Variants in WDFY3 observed in about 807,000 individuals in gnomAD.
WDFY3 encodes WD repeat and FYVE domain containing 3.
A neutral mutation model predicts 409.6 loss-of-function variants in WDFY3; 66 were observed. That is an observed-to-expected ratio of 0.16 (90% CI 0.13 to 0.20). The LOEUF is 0.20. Among genes scored for constraint, WDFY3 ranks in the 10% least tolerant of loss-of-function variants. The pLI is 1.00. For synonymous variants in WDFY3, 1,521 were observed against 1,537.1 expected, an observed-to-expected ratio of 0.99 and a Z score of 0.25; for missense variants, 3,031 against 4,298.1, an observed-to-expected ratio of 0.71 and a Z score of 8.24.
rs541330846 is a variant in WDFY3 at position 84,941,219 on chromosome 4, A to G, written c.-225-8856T>C. Among the ~76,000 whole-genome samples, 4 of 152,154 alleles carry G rather than the reference A, an allele frequency of 2.6e-5. No homozygotes were observed. The South Asian group carries it at 8.3e-4, about 32-fold the overall frequency. On this transcript the variant is annotated intron_variant, in intron 1 of 67. Coordinates refer to ENST00000295888, the MANE Select transcript of WDFY3 (RefSeq NM_014991.6). ...CAGCATGATTATATATATAGATAGAAAACCCCAAAGAGTCTACCAAAGAAA... is the reference window on the plus strand; with the variant it reads ...CAGCATGATTATATATATAGATAGAGAACCCCAAAGAGTCTACCAAAGAAA...
At position 84,724,511 on chromosome 4, in the gene WDFY3, G is replaced by A. The variant is rs765434643; in HGVS notation, c.7356C>T (p.Val2452=). Reference sequence around the variant, plus strand: ...CTGAACTCTCCACAATGGCGTCTTGGACAATGGCGGGATTGCCAGAGGCCA... The same window carrying A: ...CTGAACTCTCCACAATGGCGTCTTGAACAATGGCGGGATTGCCAGAGGCCA... ...MRLASGNPAI[V]QDAIVESSEG... The change falls in exon 46 of 68, where the codon GTC becomes GTT. Residue 2452 remains valine (V), a synonymous_variant. Coordinates refer to ENST00000295888, the MANE Select transcript of WDFY3 (RefSeq NM_014991.6). 6 of 1,614,128 alleles carry A rather than the reference G, an allele frequency of 3.7e-6. No homozygotes were observed. The Admixed American group carries it at 1.0e-4, about 27-fold the overall frequency.
chr4:84,956,308 T>C (rs748439016), intron 1 of WDFY3, among the ~76,000 whole-genome samples: 1 of 152,116 alleles, frequency 6.6e-6, no homozygotes, highest in Non-Finnish European at 1.5e-5. Context: ...TGAAGAAAGC[T>C]GAAAGAATCC....
chr4:84,914,692 G>C (rs553282477), intron 2 of WDFY3, among the ~76,000 whole-genome samples: 5 of 152,288 alleles, frequency 3.3e-5, no homozygotes, highest in African/African-American at 1.2e-4. Context: ...AAAATAACAA[G>C]TGCTAGTAAG....
intron 3 of WDFY3, among the ~76,000 whole-genome samples, chr4:84,870,756 A>C (rs1762032872): frequency 6.6e-6 from 1 of 152,116 alleles, no homozygotes; most frequent in Admixed American, 6.5e-5. Flanking sequence ...AGAATAAAGG[A>C]AGCAAAGCCC....
chr4:84,861,196 G>A (rs1760581760), intron 3 of WDFY3, among the ~76,000 whole-genome samples: 1 of 152,048 alleles, frequency 6.6e-6, no homozygotes, highest in Non-Finnish European at 1.5e-5. Flanking sequence ...GGGTGACAGA[G>A]ACTCTGTCTT....
At chr4:84,806,588 A>G (rs748738429) in intron 15 of WDFY3, among the ~76,000 whole-genome samples, 5 of 149,708 alleles carry the variant, frequency 3.3e-5, no homozygotes, top group Non-Finnish European at 7.4e-5. Context: ...TTGTCAAATT[A>G]CCATTTCAAT....
chr4:84,830,146 A>C (rs1157466171), intron 8 of WDFY3, among the ~76,000 whole-genome samples: 2 of 152,170 alleles, frequency 1.3e-5, no homozygotes, highest in African/African-American at 4.8e-5. Flanking sequence ...TCACTTAATA[A>C]ATGTAAGTGA....
chr4:84,885,542 G>T (rs532104493), intron 3 of WDFY3, among the ~76,000 whole-genome samples: 66 of 152,010 alleles, frequency 4.3e-4, no homozygotes, highest in African/African-American at 1.5e-3. Flanking sequence ...ATCCAAAACT[G>T]ACAAGAATTA....
chr4:84,803,306 G>C lies in WDFY3; in HGVS notation c.2591C>G (p.Ser864Ter). 6.2e-7 allele frequency: 1 copy of C among 1,609,018 alleles called. No individual in the cohort carries two copies. The highest frequency in any genetic ancestry group is 8.5e-7 in the Non-Finnish European group (1 of 1,178,540). The change falls in exon 16 of 68, where the codon TCA becomes TGA. Residue 864 changes from serine (S) to a stop codon, truncating the protein, a stop_gained. Coordinates refer to ENST00000295888, the MANE Select transcript of WDFY3 (RefSeq NM_014991.6). LOFTEE classifies it high-confidence loss of function. ...CAAGCTTACTTCTGGCTGTGTCACT[G>C]ACCCAACAGAGGCCAGTAGGTCCAG... ...AMLDLLASVG[S>*]VTQPEHALDL...
chr4:84,959,087 T>C (rs944387259), intron 1 of WDFY3, among the ~76,000 whole-genome samples: 4 of 152,152 alleles, frequency 2.6e-5, no homozygotes, highest in Admixed American at 6.5e-5. Context: ...CCACTAGAAT[T>C]TAAGCTCCCT....
At chr4:84,828,102 G>T (rs1379136818) in intron 9 of WDFY3, among the ~76,000 whole-genome samples, 1 of 151,816 alleles carries the variant, frequency 6.6e-6, no homozygotes, top group Non-Finnish European at 1.5e-5. Flanking sequence ...AGGGAGGAAG[G>T]GAGGAAGGAA....
intron 1 of WDFY3, among the ~76,000 whole-genome samples, chr4:84,957,470 T>A (rs561761804): frequency 6.6e-6 from 1 of 152,286 alleles, no homozygotes; most frequent in Admixed American, 6.5e-5. Context: ...AAGTCTTACA[T>A]CTTCTGCAGA....
At chr4:84,893,108 T>A (rs1465945542) in intron 3 of WDFY3, among the ~76,000 whole-genome samples, 1 of 152,196 alleles carries the variant, frequency 6.6e-6, no homozygotes, top group Admixed American at 6.5e-5. Flanking sequence ...CTCTCAAATG[T>A]CTGCATTGTG....
chr4:84,720,326 A>G (rs1734645191), intron 47 of WDFY3, among the ~76,000 whole-genome samples: 1 of 152,232 alleles, frequency 6.6e-6, no homozygotes, highest in African/African-American at 2.4e-5. Context: ...CTATGTTTGA[A>G]TATTACAAAC....
At chr4:84,790,543 G>C (rs1050686008) in intron 21 of WDFY3, among the ~76,000 whole-genome samples, 6 of 151,886 alleles carry the variant, frequency 4.0e-5, no homozygotes, top group African/African-American at 1.5e-4. Context: ...TAAAAATAAA[G>C]AGACAATAAC....
intron 44 of WDFY3, among the ~76,000 whole-genome samples, chr4:84,729,532 A>T (rs903489069): frequency 1.3e-4 from 20 of 151,864 alleles, no homozygotes; most frequent in Admixed American, 7.9e-4. Flanking sequence ...TAGTTGATAA[A>T]CTATTAACGC....
rs1260778850 is a variant in WDFY3, at chr4:84,796,742, G to C, written c.2946C>G (p.Ile982Met). 35 of 1,611,378 alleles carry C rather than the reference G, an allele frequency of 2.2e-5. No homozygotes were observed. Among genetic ancestry groups the C allele is most frequent in the Non-Finnish European group, 3.0e-5 (35 of 1,178,426 alleles). Residue 982 changes from isoleucine (I) to methionine (M), a missense_variant, in exon 19 of 68, where the codon ATC (isoleucine) becomes ATG (methionine). Physicochemically the swap from Ile to Met is conservative, Grantham distance 10. Coordinates refer to ENST00000295888, the MANE Select transcript of WDFY3 (RefSeq NM_014991.6). ...CAGTACCCAGACCTTCCAGAGATGT[G>C]ATCATACTACCTGTAAGTCAAGGAA... ...SYEPEMRSSM[I>M]TSLEGLGTDN...
chr4:84,733,526 G>T lies in WDFY3; in HGVS notation c.7077C>A (p.Gly2359=), dbSNP rs768919875. Residue 2359 remains glycine (G), a synonymous_variant, in exon 44 of 68, where the codon GGC becomes GGA. Transcript: ENST00000295888. Reference sequence around the variant, plus strand: ...TGTCGAGGTGGGAGCCGATGGGAGGGCCCCACAGCCCCCGCTCCCTCAACA... The same window carrying T: ...TGTCGAGGTGGGAGCCGATGGGAGGTCCCCACAGCCCCCGCTCCCTCAACA... ...CELLRERGLW[G]PPIGSHLDKW... 1 of 1,613,924 alleles carries T rather than the reference G, an allele frequency of 6.2e-7. No homozygotes were observed. Among genetic ancestry groups the T allele is most frequent in the Non-Finnish European group, 8.5e-7 (1 of 1,179,964 alleles).
rs1161122528 is a variant in WDFY3 at position 84,826,898 on chromosome 4, A to C, written c.1040T>G (p.Val347Gly). 2 of 1,611,060 alleles carry C rather than the reference A, an allele frequency of 1.2e-6. No individual in the cohort carries two copies. Among genetic ancestry groups the C allele is most frequent in the Admixed American group, 3.4e-5 (2 of 58,970 alleles). Reference sequence around the variant, plus strand: ...AATACCAGCTGGTTTTAGTTCACTGACACCATATGTTGTTAGGGAAGTTAT... The same window carrying C: ...AATACCAGCTGGTTTTAGTTCACTGCCACCATATGTTGTTAGGGAAGTTAT... ...NLITSLTTYG[V>G]SELKPAGITT... Residue 347 changes from valine (V) to glycine (G), a missense_variant, in exon 10 of 68, where the codon GTC (valine) becomes GGC (glycine). Physicochemically the swap from Val to Gly is moderately radical, Grantham distance 109. This residue lies in a region of WDFY3 where 1,322 missense variants were observed against 1,697.9 expected (regional missense o/e 0.78). Transcript: ENST00000295888.
Sources: gnomAD v4.1 joint callset for allele counts (sites outside exome capture counted in the v4.1 genomes callset) on GRCh38, gnomAD v4.1.1 for gene constraint, gnomAD v4.1.1 regional missense constraint, MANE v1.5 for transcripts, NCBI Gene and HGNC (gene_info 2026-07-23, HGNC 2026-07-21) for gene names.